NRG3: variants seen among roughly 807,000 people sequenced by gnomAD.
The protein encoded by NRG3 is neuregulin 3, also known as pro-neuregulin-3, membrane-bound isoform.
A neutral mutation model predicts 66.9 loss-of-function variants in NRG3; 31 were observed. The observed-to-expected ratio is 0.46, with a 90% confidence interval of 0.35 to 0.63. NRG3 has a LOEUF of 0.63. Ranked by LOEUF, NRG3 falls within the 20% of genes least tolerant of loss-of-function variation. NRG3 has a pLI of 0.00. For synonymous variants in NRG3, 393 were observed against 359.4 expected, an observed-to-expected ratio of 1.09 and a Z score of -1.06; for missense variants, 910 against 878.9, an observed-to-expected ratio of 1.04 and a Z score of -0.45.
intron 1 of NRG3, among the ~76,000 whole-genome samples, chr10:82,337,571 G>T (rs2082452853): frequency 6.6e-6 from 1 of 152,180 alleles, no homozygotes; most frequent in Admixed American, 6.5e-5. Flanking sequence ...AAACTTTTCT[G>T]CAGAAGCTGC....
chr10:82,611,775 G>T (rs927044035), intron 2 of NRG3, among the ~76,000 whole-genome samples: 1 of 152,018 alleles, frequency 6.6e-6, no homozygotes, highest in Non-Finnish European at 1.5e-5. Context: ...ATCCTTTGGG[G>T]ATATACCCAG....
At position 82,435,344 on chromosome 10, in the gene NRG3, T is replaced by A. The variant is rs144487407; in HGVS notation, c.953+76476T>A. 3.7e-3 allele frequency among the ~76,000 whole-genome samples: 562 copies of A among 152,278 alleles called. 1 individual carries two copies. Among genetic ancestry groups the A allele is most frequent in the African/African-American group, 0.013 (532 of 41,568 alleles). ...TCTGATGCTTCTCTCTTCTTCTTCT[T>A]TATTAGTCTAGCTGGCAGTCCATCC... On this transcript the variant is annotated intron_variant, in intron 2 of 8. Coordinates refer to ENST00000372141, the MANE Select transcript of NRG3 (RefSeq NM_001010848.4).
intron 2 of NRG3, among the ~76,000 whole-genome samples, chr10:82,596,837 C>T (rs2047311120): frequency 6.6e-6 from 1 of 152,106 alleles, no homozygotes; most frequent in Non-Finnish European, 1.5e-5. Context: ...CTGCAAAAGT[C>T]AAAATATAAA....
chr10:82,857,463 G>A (rs191310192), intron 3 of NRG3, among the ~76,000 whole-genome samples: 9 of 152,210 alleles, frequency 5.9e-5, no homozygotes, highest in East Asian at 1.9e-4. Context: ...TAATAATGTC[G>A]TGACCTACTC....
chr10:82,810,361 T>C (rs1231720370), intron 3 of NRG3, among the ~76,000 whole-genome samples: 3 of 152,180 alleles, frequency 2.0e-5, no homozygotes, highest in Middle Eastern at 3.2e-3. Flanking sequence ...GCTGTTTTTT[T>C]CTATGTGAAT....
chr10:81,997,121 C>A (rs1038561049), intron 1 of NRG3, among the ~76,000 whole-genome samples: 3 of 152,116 alleles, frequency 2.0e-5, no homozygotes, highest in Admixed American at 6.6e-5. Flanking sequence ...TTGTATCTGG[C>A]GACTCATTCA....
rs1491227241 is a variant in NRG3 at position 82,132,479 on chromosome 10, G to GATATATATATCATATATATATC, written c.824-226250_824-226249insCATATATATATCATATATATAT. On this transcript the variant is annotated intron_variant, in intron 1 of 8. Transcript: ENST00000372141. Reference sequence around the variant, plus strand: ...TATATGATATATATGATATATATATGATATATATATATGATATATATATAT... The same window carrying GATATATATATCATATATATATC: ...TATATGATATATATGATATATATATGATATATATATCATATATATATCATATATATATATGATATATATATAT... Among the ~76,000 whole-genome samples, 469 of 62,422 alleles carry GATATATATATCATATATATATC rather than the reference G, an allele frequency of 7.5e-3. 37 individuals carry two copies. The highest frequency in any genetic ancestry group is 0.01 in the African/African-American group (171 of 16,952). The allele number at this position is 62,422 out of a possible 152,430, so 41.0% of individuals were successfully genotyped here. A position where few individuals can be genotyped will look rare whatever the true frequency, so the allele number is the denominator to read the frequency against.
intron 4 of NRG3, among the ~76,000 whole-genome samples, chr10:82,936,659 A>G (rs1848098610): frequency 6.6e-6 from 1 of 152,214 alleles, no homozygotes. Context: ...TTTGTTAATC[A>G]GCTCGATTTA....
At position 82,491,007 on chromosome 10, in the gene NRG3, T is replaced by G. The variant is rs149297647; in HGVS notation, c.953+132139T>G. Among the ~76,000 whole-genome samples the G allele has an allele frequency of 3.3e-3, 496 of 152,156 alleles. 3 individuals carry two copies. Among genetic ancestry groups the G allele is most frequent in the Middle Eastern group, 6.8e-3 (2 of 294 alleles). ...CATTCTCAAAAATGACCTCACCATCTGACTCAGAAACAGTTGAAACATTTA... is the reference window on the plus strand; with the variant it reads ...CATTCTCAAAAATGACCTCACCATCGGACTCAGAAACAGTTGAAACATTTA... On this transcript the variant is annotated intron_variant, in intron 2 of 8. Coordinates refer to ENST00000372141, the MANE Select transcript of NRG3 (RefSeq NM_001010848.4).
intron 4 of NRG3, among the ~76,000 whole-genome samples, chr10:82,886,008 A>T (rs1842692604): frequency 6.6e-6 from 1 of 151,972 alleles, no homozygotes; most frequent in Non-Finnish European, 1.5e-5. Context: ...AGTAGCTGGG[A>T]CTACATGCAT....
intron 1 of NRG3, among the ~76,000 whole-genome samples, chr10:81,951,836 G>A (rs974499810): frequency 7.9e-5 from 12 of 152,090 alleles, no homozygotes; most frequent in African/African-American, 2.4e-5. Flanking sequence ...TGTTTACTGC[G>A]GCACTATTCA....
rs11458166 is a variant in NRG3, at chr10:82,084,502, A to ACTTT, written c.823+208339_823+208340insCTTT. 3.0e-3 allele frequency among the ~76,000 whole-genome samples: 442 copies of ACTTT among 145,360 alleles called. 4 individuals are homozygous for ACTTT. Among genetic ancestry groups the ACTTT allele is most frequent in the East Asian group, 4.3e-3 (21 of 4,872 alleles). On this transcript the variant is annotated intron_variant, in intron 1 of 8. Coordinates refer to ENST00000372141, the MANE Select transcript of NRG3 (RefSeq NM_001010848.4). ...TCTCCAAATTTGGGACATATATGAG[A>ACTTT]TTTTTTTTTTTTTTTGCCATCATAG...
At chr10:81,876,574 G>A (rs375174250) in intron 1 of NRG3, among the ~76,000 whole-genome samples, 1 of 152,220 alleles carries the variant, frequency 6.6e-6, no homozygotes, top group African/African-American at 2.4e-5. Flanking sequence ...TTCTCCGCCC[G>A]CCGGTAGGAA....
In NRG3 at chr10:82,496,441, A is replaced by G. The variant is rs138978227; in HGVS notation, c.953+137573A>G. On this transcript the variant is annotated intron_variant, in intron 2 of 8. Coordinates refer to ENST00000372141, the MANE Select transcript of NRG3 (RefSeq NM_001010848.4). ...ATCTCTCTTTTCCCATTTAAAAATT[A>G]TTTCCATTCATTAAAAAAGAGATAA... Among the ~76,000 whole-genome samples the G allele has an allele frequency of 3.3e-5, 5 of 152,234 alleles. No homozygotes were observed. The East Asian group carries it at 9.7e-4, about 29-fold the overall frequency.
Position 82,843,810 on chromosome 10 carries a change from G to A in NRG3, c.1028-21601G>A, listed in dbSNP as rs541424933. Among the ~76,000 whole-genome samples the A allele has an allele frequency of 1.1e-4, 17 of 152,178 alleles. 1 individual carries two copies. In the South Asian group the frequency reaches 3.5e-3, roughly 32 times the overall value. On this transcript the variant is annotated intron_variant, in intron 3 of 8. Coordinates refer to ENST00000372141, the MANE Select transcript of NRG3 (RefSeq NM_001010848.4). ...ATATTAATGAGCAGCGAGATGCAAGGGAAGGTTAATGGGATGAATCAGGAT... is the reference window on the plus strand; with the variant it reads ...ATATTAATGAGCAGCGAGATGCAAGAGAAGGTTAATGGGATGAATCAGGAT...
At chr10:82,304,126 A>G (rs1158767807) in intron 1 of NRG3, among the ~76,000 whole-genome samples, 2 of 152,186 alleles carry the variant, frequency 1.3e-5, no homozygotes, top group Non-Finnish European at 2.9e-5. Context: ...CATTTCCACT[A>G]GAAATATATG....
At chr10:81,878,110 C>T (rs1023433161) in intron 1 of NRG3, 3 of 1,514,076 alleles carry the variant, frequency 2.0e-6, no homozygotes, top group East Asian at 2.5e-5. Context: ...TTATTTCTAC[C>T]CCTCTATGCT....
chr10:82,680,308 A>T (rs529777267), intron 2 of NRG3, among the ~76,000 whole-genome samples: 7 of 152,342 alleles, frequency 4.6e-5, no homozygotes, highest in African/African-American at 1.7e-4. Context: ...ACTTTATGTT[A>T]GTCTCTTGAC....
rs115041805 is a variant in NRG3, at chr10:82,866,026, G to A, written c.1054+589G>A. On this transcript the variant is annotated intron_variant, in intron 4 of 8. Transcript: ENST00000372141. ...CAAAGCATTAGAATGCCTTCCATGGGCATTGTTTTTATAGTCACAGATAAC... is the reference window on the plus strand; with the variant it reads ...CAAAGCATTAGAATGCCTTCCATGGACATTGTTTTTATAGTCACAGATAAC... Among the ~76,000 whole-genome samples the A allele has an allele frequency of 3.7e-3, 558 of 152,150 alleles. 2 individuals carry two copies. Among genetic ancestry groups the A allele is most frequent in the African/African-American group, 0.013 (540 of 41,522 alleles).
Sources: allele counts gnomAD v4.1 joint callset (sites outside exome capture counted in the v4.1 genomes callset), GRCh38; gene constraint gnomAD v4.1.1; transcripts MANE v1.5; gene names NCBI Gene and HGNC (gene_info 2026-07-23, HGNC 2026-07-21).